WDR7: variants seen among roughly 807,000 people sequenced by gnomAD.
WDR7 encodes WD repeat-containing protein 7.
WDR7 carries 46 observed loss-of-function variants against 169.4 expected under a neutral mutation model. The ratio of observed to expected loss-of-function variants is 0.27; its 90% CI spans 0.21 to 0.35. WDR7 has a LOEUF of 0.35. Among genes scored for constraint, WDR7 ranks in the 10% least tolerant of loss-of-function variants. The pLI, the probability that WDR7 is intolerant of heterozygous loss-of-function variation, is 1.00. For synonymous variants in WDR7, 612 were observed against 666.8 expected (o/e 0.92, Z 1.27); for missense variants, 1,534 against 1,859.3 (o/e 0.83, Z 3.22).
chr18:56,972,348 TTTGA>T (rs2047500597), intron 26 of WDR7, among the ~76,000 whole-genome samples: 1 of 152,170 alleles, frequency 6.6e-6, no homozygotes, highest in African/African-American at 2.4e-5. Flanking sequence ...TTGATGTTTG[TTTGA>T]GGCAGAATTT....
chr18:56,731,235 T>C, intron 13 of WDR7, 148 bp from the exon 14 acceptor site: 1 of 755,894 alleles, frequency 1.3e-6, no homozygotes. Context: ...GGAAGATTGT[T>C]AGAGGAAGGA....
At chr18:57,006,450 G>T (rs1451869486) in intron 26 of WDR7, among the ~76,000 whole-genome samples, 2 of 151,904 alleles carry the variant, frequency 1.3e-5, no homozygotes, top group Non-Finnish European at 2.9e-5. Context: ...TGCTTATTAA[G>T]TACTAAAGAG....
intron 14 of WDR7, among the ~76,000 whole-genome samples, chr18:56,744,245 G>GAAAAAAAAAAA (rs58110613): frequency 8.1e-5 from 7 of 86,884 alleles, no homozygotes; most frequent in East Asian, 4.8e-4. Context: ...TCTCAAAAAA[G>GAAAAAAAAAAA]AAAAAAAAAA....
At chr18:56,969,373 A>G (rs917103206) in intron 26 of WDR7, among the ~76,000 whole-genome samples, 23 of 152,178 alleles carry the variant, frequency 1.5e-4, no homozygotes, top group African/African-American at 5.1e-4. Flanking sequence ...GGTTTTGATC[A>G]TCATACATAA....
At chr18:56,800,863 C>T (rs1423492603) in intron 19 of WDR7, among the ~76,000 whole-genome samples, 2 of 152,158 alleles carry the variant, frequency 1.3e-5, no homozygotes, top group African/African-American at 4.8e-5. Context: ...CTCTAAGGAA[C>T]CCTGGTTCCT....
At chr18:56,698,465 G>A (rs2144653375) in intron 12 of WDR7, among the ~76,000 whole-genome samples, 1 of 152,000 alleles carries the variant, frequency 6.6e-6, no homozygotes, top group East Asian at 1.9e-4. Flanking sequence ...AATTAGCTGG[G>A]CATGGTGGCA....
intron 20 of WDR7, among the ~76,000 whole-genome samples, chr18:56,837,916 G>A (rs1280111076): frequency 6.6e-6 from 1 of 151,908 alleles, no homozygotes; most frequent in Non-Finnish European, 1.5e-5. Context: ...GTGCCCAGCC[G>A]ATTTGTTTTT....
At chr18:56,962,387 T>C (rs373974733) in intron 25 of WDR7, 43 bp from the exon 26 acceptor site, 44 of 1,580,600 alleles carry the variant, frequency 2.8e-5, no homozygotes, top group Admixed American at 6.7e-5. Flanking sequence ...TCATCTCACC[T>C]GGCTTCTTGT....
intron 14 of WDR7, among the ~76,000 whole-genome samples, chr18:56,752,030 A>T (rs1171339546): frequency 6.6e-6 from 1 of 152,128 alleles, no homozygotes; most frequent in African/African-American, 2.4e-5. Flanking sequence ...ATTAAGTTTG[A>T]TCATGTTACT....
At chr18:56,694,895 A>AT (rs1021195889) in intron 10 of WDR7, 55 bp from the exon 11 acceptor site, 2 of 1,557,280 alleles carry the variant, frequency 1.3e-6, no homozygotes, top group Admixed American at 2.0e-5. Flanking sequence ...AATGTTTTAA[A>AT]TTTTTTTTAA....
chr18:56,867,046 G>A (rs1224045285), intron 20 of WDR7, among the ~76,000 whole-genome samples: 1 of 149,436 alleles, frequency 6.7e-6, no homozygotes, highest in Non-Finnish European at 1.5e-5. Context: ...TATTTTTGAG[G>A]CAGGGTCTCA....
intron 13 of WDR7, among the ~76,000 whole-genome samples, chr18:56,719,392 T>C (rs1156874813): frequency 6.6e-6 from 1 of 151,860 alleles, no homozygotes; most frequent in Non-Finnish European, 1.5e-5. Context: ...GAAACCCCGT[T>C]TCTACTAAAA....
rs142928093 is a variant in WDR7, at chr18:56,894,759, A to G, written c.3526+14594A>G. Among the ~76,000 whole-genome samples, 383 of 152,236 alleles carry G rather than the reference A, an allele frequency of 2.5e-3. 1 individual carries two copies. The highest frequency in any genetic ancestry group is 8.8e-3 in the African/African-American group (365 of 41,558). On this transcript the variant is annotated intron_variant, in intron 21 of 27. Transcript: ENST00000254442. ...TTATACATAAAGCAGCCCTTGTAGT[A>G]TCTTACATTTTAACTGAAACTTTCT...
chr18:56,847,855 G>A (rs1157805728), intron 20 of WDR7, among the ~76,000 whole-genome samples: 5 of 152,234 alleles, frequency 3.3e-5, no homozygotes, highest in Non-Finnish European at 7.3e-5. Context: ...AGACTTGAAA[G>A]ATTCCCCCTA....
intron 25 of WDR7, among the ~76,000 whole-genome samples, chr18:56,956,820 C>G (rs898533551): frequency 7.9e-5 from 12 of 152,110 alleles, no homozygotes; most frequent in Non-Finnish European, 1.8e-4. Flanking sequence ...AACCTACATG[C>G]ATATCCTGCA....
intron 16 of WDR7, among the ~76,000 whole-genome samples, chr18:56,765,224 C>T (rs113315463): frequency 1.5e-4 from 23 of 151,888 alleles, no homozygotes; most frequent in Non-Finnish European, 2.2e-4. Flanking sequence ...ATGCATAAGC[C>T]GTTTACATTT....
At chr18:56,728,042 GT>G (rs758993270) in intron 13 of WDR7, among the ~76,000 whole-genome samples, 21 of 152,206 alleles carry the variant, frequency 1.4e-4, no homozygotes, top group Non-Finnish European at 2.6e-4. Flanking sequence ...TTTATAAAAT[GT>G]TTCCCAATTT....
At chr18:56,982,773 CT>C (rs2047664474) in intron 26 of WDR7, among the ~76,000 whole-genome samples, 1 of 152,156 alleles carries the variant, frequency 6.6e-6, no homozygotes, top group Non-Finnish European at 1.5e-5. Context: ...CTAAATTATT[CT>C]TAACTTCTGC....
rs598078 is a variant in WDR7 at position 56,679,407 on chromosome 18, A to C, written c.235A>C (p.Lys79Gln). 1 of 1,612,126 alleles carries C rather than the reference A, an allele frequency of 6.2e-7. No homozygotes were observed. Among genetic ancestry groups the C allele is most frequent in the East Asian group, 2.2e-5 (1 of 44,802 alleles). The change falls in exon 3 of 28, where the codon AAA becomes CAA. Residue 79 changes from lysine to glutamine, a missense_variant. Transcript: ENST00000254442. ...GTCTAAAGCTTGTGCTTCCAGTGAC[A>C]AACAGTATATTGTGAGTGCATCTGA... ...CLSKACASSD[K>Q]QYIVSASESG...
Sources: allele counts gnomAD v4.1 joint callset (sites outside exome capture counted in the v4.1 genomes callset), GRCh38; gene constraint gnomAD v4.1.1; transcripts MANE v1.5; gene names NCBI Gene and HGNC (gene_info 2026-07-23, HGNC 2026-07-21).